JAM2: variants seen among roughly 807,000 people sequenced by gnomAD.
The protein encoded by JAM2 is junctional adhesion molecule B.
JAM2 carries 17 observed loss-of-function variants against 42.0 expected under a neutral mutation model. The observed-to-expected ratio is 0.40, with a 90% CI of 0.28 to 0.61. The LOEUF is 0.61. JAM2 is among the 20% of genes least tolerant of loss of function. The pLI is 0.37. For missense variants in JAM2, 319 were observed against 358.3 expected (o/e 0.89, Z 0.89); for synonymous variants, 118 against 128.6 (o/e 0.92, Z 0.56).
At chr21:25,664,471 T>G (rs1356039580) in intron 1 of JAM2, among the ~76,000 whole-genome samples, 9 of 152,200 alleles carry the variant, frequency 5.9e-5, no homozygotes, top group Non-Finnish European at 1.2e-4. Context: ...CCTGGCCTTG[T>G]GATCTGCCCA....
chr21:25,701,504 C>T (rs1267004326), intron 5 of JAM2, among the ~76,000 whole-genome samples: 4 of 143,628 alleles, frequency 2.8e-5, no homozygotes, highest in Non-Finnish European at 4.6e-5. Context: ...TTCCAAATAT[C>T]CTCCAAGGGG....
intron 1 of JAM2, among the ~76,000 whole-genome samples, chr21:25,682,879 C>T (rs7277534): frequency 0.23 from 35,272 of 151,626 alleles, 4,376 homozygotes; most frequent in African/African-American, 0.32. Context: ...TGACCACCCC[C>T]AGTCGAACTC....
chr21:25,672,774 G>C (rs1370728763), intron 1 of JAM2, among the ~76,000 whole-genome samples: 4 of 152,214 alleles, frequency 2.6e-5, no homozygotes, highest in Non-Finnish European at 5.9e-5. Flanking sequence ...ATTACGCCAA[G>C]TGTCTGTTTT....
intron 1 of JAM2, among the ~76,000 whole-genome samples, chr21:25,648,375 G>A (rs118058811): frequency 0.016 from 2,510 of 152,178 alleles, 24 homozygotes; most frequent in Non-Finnish European, 0.025. Context: ...AAGCATATTG[G>A]AGACATGAGA....
At chr21:25,648,751 T>C (rs1317637088) in intron 1 of JAM2, among the ~76,000 whole-genome samples, 2 of 152,218 alleles carry the variant, frequency 1.3e-5, no homozygotes, top group East Asian at 3.8e-4. Context: ...TTTTTCCATG[T>C]ATATCTCTCT....
intron 7 of JAM2, among the ~76,000 whole-genome samples, chr21:25,707,356 C>G (rs1250487930): frequency 6.6e-6 from 1 of 152,024 alleles, no homozygotes; most frequent in Non-Finnish European, 1.5e-5. Flanking sequence ...GTGACATGCA[C>G]CTGTAGTCCC....
intron 1 of JAM2, 56 bp downstream of exon 1, chr21:25,639,944 C>G: frequency 7.8e-7 from 1 of 1,274,398 alleles, no homozygotes. Context: ...CCCCCACCCT[C>G]CAGCCCCCCA....
At chr21:25,644,866 TTTTGTTTGTTTGTTTG>T (rs57234199) in intron 1 of JAM2, among the ~76,000 whole-genome samples, 7 of 151,322 alleles carry the variant, frequency 4.6e-5, no homozygotes, top group Non-Finnish European at 8.8e-5. Flanking sequence ...GGTTTTTTGG[TTTTGTTTGTTTGTTTG>T]TTTGTTTGTT....
intron 2 of JAM2, among the ~76,000 whole-genome samples, chr21:25,687,720 C>T (rs2033781170): frequency 6.6e-6 from 1 of 152,180 alleles, no homozygotes; most frequent in Admixed American, 6.5e-5. Flanking sequence ...TAGGCACTGG[C>T]TCTTTCCTTG....
chr21:25,645,722 G>A (rs1167120387), intron 1 of JAM2, among the ~76,000 whole-genome samples: 1 of 152,180 alleles, frequency 6.6e-6, no homozygotes, highest in Non-Finnish European at 1.5e-5. Flanking sequence ...TGATCATAGA[G>A]TGTACTTACA....
chr21:25,639,608 C>A lies in JAM2; in HGVS notation c.-214C>A. 2 of 523,886 alleles carry A rather than the reference C, an allele frequency of 3.8e-6. No homozygotes were observed. The highest frequency in any genetic ancestry group is 6.8e-6 in the Non-Finnish European group (2 of 295,302). 32.5% of individuals were successfully genotyped at this position (523,886 alleles called of 1,614,324 possible). A position where few individuals can be genotyped will look rare whatever the true frequency, so the allele number is the denominator to read the frequency against. On this transcript the variant is annotated 5_prime_UTR_variant, in exon 1 of 10. Transcript: ENST00000480456. The stretch of plus-strand genomic sequence containing the variant: ...CCCCCAAAACAGAACAGACCCCCAT[C>A]CCTGGGCTGGAGGACCCGCCTCTTG...
chr21:25,684,671 C>A (rs1478500370), intron 2 of JAM2, among the ~76,000 whole-genome samples: 1 of 152,100 alleles, frequency 6.6e-6, no homozygotes, highest in African/African-American at 2.4e-5. Context: ...GTGGCATGAT[C>A]TCGGCTCACC....
chr21:25,688,243 GGTGTGTGTGT>G (rs147927864), intron 2 of JAM2, among the ~76,000 whole-genome samples: 15 of 149,710 alleles, frequency 1.0e-4, no homozygotes, highest in African/African-American at 2.5e-4. Flanking sequence ...CACCAGGAGG[GGTGTGTGTGT>G]GTGTGTGTGT....
At chr21:25,697,389 C>A (rs777157636) in intron 4 of JAM2, among the ~76,000 whole-genome samples, 4 of 152,142 alleles carry the variant, frequency 2.6e-5, no homozygotes, top group Non-Finnish European at 5.9e-5. Flanking sequence ...GGGAGACCAC[C>A]TTAGAATTCT....
intron 1 of JAM2, among the ~76,000 whole-genome samples, chr21:25,674,197 C>A (rs192661410): frequency 7.9e-5 from 12 of 152,198 alleles, no homozygotes; most frequent in Admixed American, 7.2e-4. Flanking sequence ...AGTTCGAGAC[C>A]AGCCTGGCCA....
In JAM2 at chr21:25,716,327, T is replaced by C. The variant is rs2034480478; in HGVS notation, c.*1655T>C. The C allele has an allele frequency of 6.6e-6, 1 of 152,222 alleles. No homozygotes were observed. Among genetic ancestry groups the C allele is most frequent in the Admixed American group, 6.5e-5 (1 of 15,274 alleles). The allele number at this position is 152,222 out of a possible 1,614,324, so 9.4% of individuals were successfully genotyped here. On this transcript the variant is annotated 3_prime_UTR_variant, in exon 10 of 10. Transcript: ENST00000480456. ...TCTTCTTTCAAAAGAGTCTGCTCTT[T>C]CTACCCAATTGGCGAAGCAAATCCC...
At chr21:25,655,419 A>G (rs1600997555) in intron 1 of JAM2, among the ~76,000 whole-genome samples, 2 of 108,574 alleles carry the variant, frequency 1.8e-5, no homozygotes, top group South Asian at 5.6e-4. Context: ...TTTTCACCCT[A>G]TAGGTTTAAA....
intron 1 of JAM2, among the ~76,000 whole-genome samples, chr21:25,674,262 G>C (rs1210150169): frequency 6.6e-6 from 1 of 152,098 alleles, no homozygotes; most frequent in African/African-American, 2.4e-5. Flanking sequence ...AGGTGTGGTG[G>C]CACGTGCCTG....
chr21:25,688,541 C>G (rs2033806677), intron 2 of JAM2, among the ~76,000 whole-genome samples: 1 of 152,206 alleles, frequency 6.6e-6, no homozygotes. Flanking sequence ...TCCCTTAGCA[C>G]ACGTTTGTCT....
Sources: gnomAD v4.1 joint callset for allele counts (sites outside exome capture counted in the v4.1 genomes callset) on GRCh38, gnomAD v4.1.1 for gene constraint, MANE v1.5 for transcripts, NCBI Gene and HGNC (gene_info 2026-07-23, HGNC 2026-07-21) for gene names.